Variants in TMEM192 observed in about 807,000 individuals in gnomAD.
The protein encoded by TMEM192 is transmembrane protein 192.
A neutral mutation model predicts 26.7 loss-of-function variants in TMEM192; 20 were observed. The observed-to-expected ratio is 0.75, with a 90% CI of 0.53 to 1.09. TMEM192 has a LOEUF of 1.09. Ranked by LOEUF, TMEM192 falls within the 50% of genes least tolerant of loss-of-function variation. The pLI is 0.00. For synonymous variants in TMEM192, 124 were observed against 121.0 expected, an observed-to-expected ratio of 1.02 and a Z score of -0.16; for missense variants, 304 against 322.6, an observed-to-expected ratio of 0.94 and a Z score of 0.44.
intron 1 of TMEM192, among the ~76,000 whole-genome samples, chr4:165,107,739 C>T (rs1330057512): frequency 6.6e-6 from 1 of 152,186 alleles, no homozygotes; most frequent in African/African-American, 2.4e-5. Flanking sequence ...ACCAGCTCTA[C>T]TTATTCTTCC....
intron 1 of TMEM192, among the ~76,000 whole-genome samples, chr4:165,104,639 T>C (rs1339507543): frequency 2.0e-5 from 3 of 152,164 alleles, no homozygotes; most frequent in African/African-American, 7.2e-5. Context: ...CAATCGATTC[T>C]CCTGTCTCAG....
In TMEM192 at chr4:165,076,678, C is replaced by T. The variant is rs967858221; in HGVS notation, c.*2980G>A. 1 of 152,254 alleles carries T rather than the reference C, an allele frequency of 6.6e-6. No individual in the cohort carries two copies. The highest frequency in any genetic ancestry group is 6.5e-5 in the Admixed American group (1 of 15,268). The allele number at this position is 152,254 out of a possible 1,614,324, so 9.4% of individuals were successfully genotyped here. A position where few individuals can be genotyped will look rare whatever the true frequency, so the allele number is the denominator to read the frequency against. ...ACAGAGTCTGGAAATCTATTCCTCG[C>T]TCTCTTTAGAATGTAAGCTGCCAAC... On this transcript the variant is annotated 3_prime_UTR_variant, in exon 6 of 6. Coordinates refer to ENST00000306480, the MANE Select transcript of TMEM192 (RefSeq NM_001100389.2).
At position 165,112,816 on chromosome 4, in the gene TMEM192, C is replaced by G. The variant is rs1735328180; in HGVS notation, c.-43G>C. On this transcript the variant is annotated 5_prime_UTR_variant, in exon 1 of 6. Transcript: ENST00000306480. ...CGAAGCCCTGGCCAGCCCGGCCTCT[C>G]CACCTGGACCTGTAAGCCTCTGGCC... 1 of 1,596,548 alleles carries G rather than the reference C, an allele frequency of 6.3e-7. No homozygotes were observed. The highest frequency in any genetic ancestry group is 1.7e-5 in the Admixed American group (1 of 59,330).
At chr4:165,090,213 G>GGGA (rs752886922) in intron 3 of TMEM192, among the ~76,000 whole-genome samples, 2 of 52,072 alleles carry the variant, frequency 3.8e-5, no homozygotes, top group Admixed American at 3.0e-4. Context: ...CTCCGTCTTG[G>GGGA]AAAAAAAAAA....
chr4:165,098,992 G>A (rs769661662), intron 3 of TMEM192, among the ~76,000 whole-genome samples: 6 of 151,954 alleles, frequency 3.9e-5, no homozygotes, highest in South Asian at 2.1e-4. Flanking sequence ...ATGAGCCACC[G>A]AGCCTGGCCT....
chr4:165,092,973 C>T (rs1353834879), intron 3 of TMEM192, among the ~76,000 whole-genome samples: 5 of 151,214 alleles, frequency 3.3e-5, no homozygotes, highest in Non-Finnish European at 1.5e-5. Context: ...AGTAACAACA[C>T]AAAGCTACCT....
chr4:165,112,392 C>T (rs1161051325), intron 1 of TMEM192, among the ~76,000 whole-genome samples: 6 of 152,312 alleles, frequency 3.9e-5, no homozygotes, highest in Non-Finnish European at 7.3e-5. Flanking sequence ...GGAGGAAGGG[C>T]TGTCAGGCCA....
rs1467981524 is a variant in TMEM192 at position 165,083,509 on chromosome 4, G to A, written c.677+2077C>T. Among the ~76,000 whole-genome samples the A allele has an allele frequency of 5.0e-5, 2 of 40,280 alleles. 1 individual carries two copies. Among genetic ancestry groups the A allele is most frequent in the Non-Finnish European group, 1.9e-4 (2 of 10,594 alleles). The allele number at this position is 40,280 out of a possible 152,430, so 26.4% of individuals were successfully genotyped here. On this transcript the variant is annotated intron_variant, in intron 5 of 5. Coordinates refer to ENST00000306480, the MANE Select transcript of TMEM192 (RefSeq NM_001100389.2). The stretch of plus-strand genomic sequence containing the variant: ...GTTTACACTGTGGGACAGAGATAAC[G>A]ATCCCAAGAAGAACAACCTTGGACT...
intron 3 of TMEM192, among the ~76,000 whole-genome samples, chr4:165,097,213 G>C (rs950549236): frequency 6.6e-6 from 1 of 152,204 alleles, no homozygotes; most frequent in Non-Finnish European, 1.5e-5. Context: ...TGCACTAACA[G>C]GCCGGGCGCG....
chr4:165,093,097 CTT>C (rs35970962), intron 3 of TMEM192, among the ~76,000 whole-genome samples: 3 of 120,942 alleles, frequency 2.5e-5, no homozygotes, highest in Non-Finnish European at 1.6e-5. Context: ...TTTTTTTCTT[CTT>C]TTTTTTTTTT....
Position 165,089,947 on chromosome 4 carries a change from C to T in TMEM192, c.440-1345G>A, listed in dbSNP as rs150797066. On this transcript the variant is annotated intron_variant, in intron 3 of 5. Coordinates refer to ENST00000306480, the MANE Select transcript of TMEM192 (RefSeq NM_001100389.2). ...GTCTTTTAGGCCAGGCGCGGTGGCT[C>T]ACGCCTGTAATCCCAACACTTTGGG... Among the ~76,000 whole-genome samples, 1,281 of 152,116 alleles carry T rather than the reference C, an allele frequency of 8.4e-3. 21 individuals are homozygous for T. Among genetic ancestry groups the T allele is most frequent in the African/African-American group, 0.029 (1,188 of 41,510 alleles).
chr4:165,105,703 C>A (rs1032881093), intron 1 of TMEM192, among the ~76,000 whole-genome samples: 2 of 152,106 alleles, frequency 1.3e-5, no homozygotes, highest in Non-Finnish European at 2.9e-5. Flanking sequence ...CTATGTTGGC[C>A]AGGTTGGTCT....
intron 5 of TMEM192, among the ~76,000 whole-genome samples, chr4:165,085,299 C>G (rs1334015701): frequency 6.8e-6 from 1 of 148,036 alleles, no homozygotes; most frequent in Non-Finnish European, 1.5e-5. Context: ...AAAAAGACAC[C>G]TATAAAAAAA....
At chr4:165,091,715 C>A (rs1734768325) in intron 3 of TMEM192, among the ~76,000 whole-genome samples, 1 of 151,938 alleles carries the variant, frequency 6.6e-6, no homozygotes, top group Non-Finnish European at 1.5e-5. Context: ...TAATAATGGC[C>A]CATAATACAA....
chr4:165,089,040 C>CAAAAAAA (rs56000323), intron 3 of TMEM192, among the ~76,000 whole-genome samples: 1 of 47,290 alleles, frequency 2.1e-5, no homozygotes, highest in African/African-American at 9.2e-5. Context: ...GACCCTACTG[C>CAAAAAAA]AAAAAAAAAA....
intron 3 of TMEM192, among the ~76,000 whole-genome samples, chr4:165,098,168 A>G (rs1734955976): frequency 6.6e-6 from 1 of 151,196 alleles, no homozygotes; most frequent in African/African-American, 2.4e-5. Context: ...CTTGTCACCC[A>G]GGCTGCAGTG....
intron 1 of TMEM192, among the ~76,000 whole-genome samples, chr4:165,112,140 C>T (rs956915422): frequency 6.6e-6 from 1 of 152,096 alleles, no homozygotes; most frequent in African/African-American, 2.4e-5. Flanking sequence ...ATTTAAAAAC[C>T]TTTGTATTCC....
chr4:165,089,753 G>A (rs1364966154), intron 3 of TMEM192, among the ~76,000 whole-genome samples: 1 of 152,166 alleles, frequency 6.6e-6, no homozygotes, highest in Non-Finnish European at 1.5e-5. Context: ...GAAACAGGAG[G>A]GCCGGAAGGC....
chr4:165,106,743 C>T (rs1019458742), intron 1 of TMEM192, among the ~76,000 whole-genome samples: 5 of 152,218 alleles, frequency 3.3e-5, no homozygotes, highest in Admixed American at 1.3e-4. Flanking sequence ...CTGAAGGCTG[C>T]GCTGTTGGCT....
Sources: gnomAD v4.1 joint callset for allele counts (sites outside exome capture counted in the v4.1 genomes callset) on GRCh38, gnomAD v4.1.1 for gene constraint, MANE v1.5 for transcripts, NCBI Gene and HGNC (gene_info 2026-07-23, HGNC 2026-07-21) for gene names.